Variants in SLC22A4 observed in about 807,000 individuals in gnomAD.
SLC22A4 encodes solute carrier family 22 member 4.
SLC22A4 carries 39 observed loss-of-function variants against 56.6 expected under a neutral mutation model. The ratio of observed to expected loss-of-function variants is 0.69; its 90% CI spans 0.53 to 0.90. The LOEUF (loss-of-function observed/expected upper bound fraction) is 0.90. Among genes scored for constraint, SLC22A4 ranks in the 40% least tolerant of loss-of-function variants. SLC22A4 has a pLI of 0.00. For synonymous variants in SLC22A4, 241 were observed against 281.4 expected, an observed-to-expected ratio of 0.86 and a Z score of 1.44; for missense variants, 594 against 696.5, an observed-to-expected ratio of 0.85 and a Z score of 1.66.
chr5:132,303,655 C>T (rs1230710299), intron 1 of SLC22A4, among the ~76,000 whole-genome samples: 1 of 152,152 alleles, frequency 6.6e-6, no homozygotes, highest in East Asian at 1.9e-4. Flanking sequence ...TTCCCATCCT[C>T]CACCCACCGC....
At chr5:132,340,396 A>T (rs1350121045) in intron 8 of SLC22A4, among the ~76,000 whole-genome samples, 169 bp from the exon 9 acceptor site, 1 of 152,186 alleles carries the variant, frequency 6.6e-6, no homozygotes, top group African/African-American at 2.4e-5. Context: ...GACATGCACA[A>T]TGTCATCTGC....
chr5:132,304,022 G>A (rs1207278751), intron 1 of SLC22A4, among the ~76,000 whole-genome samples: 3 of 152,192 alleles, frequency 2.0e-5, no homozygotes, highest in African/African-American at 7.2e-5. Context: ...CAACTAAAAG[G>A]ATTCTGGTAA....
At chr5:132,318,826 A>G (rs1750439021) in intron 3 of SLC22A4, among the ~76,000 whole-genome samples, 1 of 152,158 alleles carries the variant, frequency 6.6e-6, no homozygotes, top group South Asian at 2.1e-4. Context: ...TTGCCCTAGA[A>G]GCAAAGCAGG....
chr5:132,343,908 C>T lies in SLC22A4; in HGVS notation c.*73C>T. 2 of 886,244 alleles carry T rather than the reference C, an allele frequency of 2.3e-6. No individual in the cohort carries two copies. Among genetic ancestry groups the T allele is most frequent in the Admixed American group, 4.0e-5 (2 of 50,378 alleles). The allele number at this position is 886,244 out of a possible 1,614,324, so 54.9% of individuals were successfully genotyped here. On this transcript the variant is annotated 3_prime_UTR_variant, in exon 10 of 10. Transcript: ENST00000200652. ...CCTGTGGAGAAATTCGTTGTTCCCA[C>T]TGAAATGGACTGACTGTAACGATTG...
At chr5:132,299,022 A>G (rs2126698630) in intron 1 of SLC22A4, among the ~76,000 whole-genome samples, 1 of 152,336 alleles carries the variant, frequency 6.6e-6, no homozygotes, top group South Asian at 2.1e-4. Context: ...GGCCCCTGAG[A>G]AGGTTCTCTG....
At chr5:132,317,981 T>C (rs1057189118) in intron 3 of SLC22A4, among the ~76,000 whole-genome samples, 1 of 152,178 alleles carries the variant, frequency 6.6e-6, no homozygotes. Flanking sequence ...TCCTGTCTAT[T>C]CACAAGGAGC....
At chr5:132,324,604 A>G (rs1002610766) in intron 4 of SLC22A4, 8 of 470,924 alleles carry the variant, frequency 1.7e-5, no homozygotes, top group African/African-American at 1.6e-4. Context: ...TTTTCCTATA[A>G]AAGAAAATAG....
intron 9 of SLC22A4, among the ~76,000 whole-genome samples, chr5:132,341,495 A>C (rs1751217323): frequency 6.6e-6 from 1 of 152,236 alleles, no homozygotes; most frequent in Admixed American, 6.5e-5. Context: ...ATAGGAATAG[A>C]AACCAATGGA....
At chr5:132,308,517 A>G (rs934290554) in intron 1 of SLC22A4, among the ~76,000 whole-genome samples, 2 of 150,810 alleles carry the variant, frequency 1.3e-5, no homozygotes, top group African/African-American at 4.9e-5. Flanking sequence ...CAACCCTGAG[A>G]TCCCCTGAGA....
intron 8 of SLC22A4, among the ~76,000 whole-genome samples, chr5:132,336,857 G>T (rs1335083729): frequency 6.6e-6 from 1 of 152,068 alleles, no homozygotes; most frequent in East Asian, 1.9e-4. Flanking sequence ...AACAGTTCAT[G>T]TTGGTTTTCT....
At chr5:132,313,906 C>A in intron 3 of SLC22A4, 138 bp downstream of exon 3, 1 of 945,276 alleles carries the variant, frequency 1.1e-6, no homozygotes, top group Non-Finnish European at 1.7e-6. Flanking sequence ...GTAGCCACAG[C>A]TCTTGGAGCA....
chr5:132,296,146 G>A (rs1414077059), intron 1 of SLC22A4, among the ~76,000 whole-genome samples: 1 of 152,210 alleles, frequency 6.6e-6, no homozygotes, highest in African/African-American at 2.4e-5. Context: ...GGGACAATAG[G>A]TGGAGGAAAT....
At chr5:132,311,297 T>C (rs1750173803) in intron 1 of SLC22A4, 1 of 152,244 alleles carries the variant, frequency 6.6e-6, no homozygotes. Flanking sequence ...TGTTTGTTTA[T>C]TTATTTGTTT....
intron 1 of SLC22A4, among the ~76,000 whole-genome samples, chr5:132,298,894 G>C (rs1457983876): frequency 6.6e-6 from 1 of 152,166 alleles, no homozygotes; most frequent in Non-Finnish European, 1.5e-5. Flanking sequence ...ATAGGTGATG[G>C]GACTTGCTGG....
intron 1 of SLC22A4, among the ~76,000 whole-genome samples, chr5:132,297,234 C>T (rs540869398): frequency 6.6e-6 from 1 of 152,314 alleles, no homozygotes; most frequent in Admixed American, 6.5e-5. Flanking sequence ...AGGAGAATCA[C>T]TTCAACCTGG....
chr5:132,303,996 A>T lies in SLC22A4; in HGVS notation c.394-8165A>T, dbSNP rs1179593819. Among the ~76,000 whole-genome samples the T allele has an allele frequency of 3.3e-5, 5 of 152,234 alleles. No individual in the cohort carries two copies. In the East Asian group the frequency reaches 9.6e-4, roughly 29 times the overall value. On this transcript the variant is annotated intron_variant, in intron 1 of 9. Coordinates refer to ENST00000200652, the MANE Select transcript of SLC22A4 (RefSeq NM_003059.3). ...CTAAGATTGCTCTCAAGAACAATGG[A>T]GAATTTAGTGGTAAGCAACTAAAAG...
intron 1 of SLC22A4, among the ~76,000 whole-genome samples, chr5:132,299,743 C>T (rs1749869226): frequency 6.6e-6 from 1 of 152,166 alleles, no homozygotes; most frequent in Admixed American, 6.5e-5. Context: ...CGTGAGCCAC[C>T]GCGCCTGGCG....
rs529182507 is a variant in SLC22A4, at chr5:132,322,719, T to C, written c.824+364T>C. Among the ~76,000 whole-genome samples, 93 of 152,364 alleles carry C rather than the reference T, an allele frequency of 6.1e-4. 1 individual carries two copies. The South Asian group carries it at 0.019, about 31-fold the overall frequency. On this transcript the variant is annotated intron_variant, in intron 4 of 9. Transcript: ENST00000200652. The stretch of plus-strand genomic sequence containing the variant: ...GAAAAATCTCACTCTATCCAACTAA[T>C]GTAATTCTTCAAGCTTCCCTATCAT...
intron 2 of SLC22A4, 114 bp from the exon 3 acceptor site, chr5:132,313,500 A>G: frequency 1.1e-6 from 1 of 929,426 alleles, no homozygotes; most frequent in Non-Finnish European, 1.8e-6. Flanking sequence ...CAGAGAAAAA[A>G]GTCTGCCAGA....
Sources: allele counts gnomAD v4.1 joint callset (sites outside exome capture counted in the v4.1 genomes callset), GRCh38; gene constraint gnomAD v4.1.1; transcripts MANE v1.5; gene names NCBI Gene and HGNC (gene_info 2026-07-23, HGNC 2026-07-21).